AKAP9: variants seen among roughly 807,000 people sequenced by gnomAD.
AKAP9 encodes the protein A-kinase anchoring protein 9.
Under a neutral mutation model 488.5 loss-of-function variants are expected in AKAP9, and 311 were observed. The ratio of observed to expected loss-of-function variants is 0.64; its 90% CI spans 0.58 to 0.70. The LOEUF (loss-of-function observed/expected upper bound fraction) is 0.70. Ranked by LOEUF, AKAP9 falls within the 30% of genes least tolerant of loss-of-function variation. The probability of loss-of-function intolerance (pLI) is 0.00; values close to 1 mark genes in which losing one functional copy is unlikely to be tolerated. For synonymous variants in AKAP9, 1,462 were observed against 1,483.5 expected, an observed-to-expected ratio of 0.99 and a Z score of 0.33; for missense variants, 4,215 against 4,374.5, an observed-to-expected ratio of 0.96 and a Z score of 1.03.
chr7:92,097,186 G>A lies in AKAP9; in HGVS notation c.10227G>A (p.Gln3409=). ...GACAGAAAAAAATGCATGAGCTCCA[G>A]TCCAAAGTGGAAGATCTTCAGCGCC... The part of the protein sequence containing the change: ...TEGQKKMHEL[Q]SKVEDLQRQL... The change falls in exon 41 of 50, where the codon CAG becomes CAA. Residue 3409 remains glutamine, a synonymous_variant. Transcript: ENST00000356239. The A allele has an allele frequency of 6.2e-7, 1 of 1,613,472 alleles. No homozygotes were observed. The highest frequency in any genetic ancestry group is 8.5e-7 in the Non-Finnish European group (1 of 1,179,808).
rs771509517 is a variant in AKAP9 at position 91,961,063 on chromosome 7, CAT to C, written c.49-12647_49-12646del. Among the ~76,000 whole-genome samples, 14 of 152,310 alleles carry C rather than the reference CAT, an allele frequency of 9.2e-5. No homozygotes were observed. In the South Asian group the frequency reaches 2.1e-3, roughly 23 times the overall value. The stretch of plus-strand genomic sequence containing the variant: ...ACTGTTAAGATCATATATTTTGACA[CAT>C]GTCTAGCACAGTGCCTGGCACATAA... On this transcript the variant is annotated intron_variant, in intron 1 of 49. Coordinates refer to ENST00000356239, the MANE Select transcript of AKAP9 (RefSeq NM_005751.5).
rs769398464 is a variant in AKAP9 at position 92,079,754 on chromosome 7, G to A, written c.7621G>A (p.Val2541Ile). ...FETEMLQKKI[V>I]NLQKIVEEKV... is the part of the protein sequence containing the mutation. ...AACAGAAATGCTTCAAAAGAAGATT[G>A]TAAACCTACAGAAAATAGTTGAAGA... The change falls in exon 31 of 50, where the codon GTA (valine) becomes ATA (isoleucine). Residue 2541 changes from valine (V) to isoleucine (I), a missense_variant. Val to Ile is a conservative substitution (Grantham distance 29). Around this residue, in one of 5 missense-constraint regions of AKAP9, gnomAD observed 1,476 missense variants for 1,477.4 expected, o/e 1.00. Transcript: ENST00000356239. 1.2e-6 allele frequency: 2 copies of A among 1,614,086 alleles called. No homozygotes were observed. The highest frequency in any genetic ancestry group is 1.7e-6 in the Non-Finnish European group (2 of 1,179,990).
At chr7:92,050,454 A>G (rs1807787610) in intron 21 of AKAP9, among the ~76,000 whole-genome samples, 1 of 152,106 alleles carries the variant, frequency 6.6e-6, no homozygotes, top group Non-Finnish European at 1.5e-5. Context: ...TACTGCAGGA[A>G]TAGAAATCAA....
At chr7:91,945,787 A>G (rs1301775346) in intron 1 of AKAP9, among the ~76,000 whole-genome samples, 1 of 152,084 alleles carries the variant, frequency 6.6e-6, no homozygotes, top group Non-Finnish European at 1.5e-5. Flanking sequence ...AACTATTTTA[A>G]CTCCATTTTA....
chr7:92,069,971 A>T, intron 26 of AKAP9, 59 bp from the exon 27 acceptor site: 1 of 1,487,290 alleles, frequency 6.7e-7, no homozygotes, highest in Non-Finnish European at 9.3e-7. Flanking sequence ...AACTCAACCT[A>T]TACTAACTAG....
intron 37 of AKAP9, among the ~76,000 whole-genome samples, chr7:92,087,868 T>C (rs1814860351): frequency 6.6e-6 from 1 of 150,882 alleles, no homozygotes; most frequent in Non-Finnish European, 1.5e-5. Flanking sequence ...CATGAGACCA[T>C]ACTGATATAA....
In AKAP9 at chr7:92,107,406, T is replaced by C. The variant is rs1432249466; in HGVS notation, c.11530T>C (p.Leu3844=). Residue 3844 remains leucine, a synonymous_variant, in exon 48 of 50, where the codon TTA becomes CTA. Coordinates refer to ENST00000356239, the MANE Select transcript of AKAP9 (RefSeq NM_005751.5). The part of the protein sequence containing the change: ...RSDLDYIRSP[L]PFQNRYPGTP... ...AGATCTGGACTATATTAGGTCCCCT[T>C]TACCATTTCAGAATAGGTAAGAATA... 6.2e-7 allele frequency: 1 copy of C among 1,613,660 alleles called. No individual in the cohort carries two copies. Among genetic ancestry groups the C allele is most frequent in the Non-Finnish European group, 8.5e-7 (1 of 1,179,862 alleles).
intron 15 of AKAP9, among the ~76,000 whole-genome samples, chr7:92,030,488 A>G (rs1227837692): frequency 3.3e-5 from 5 of 152,122 alleles, no homozygotes; most frequent in Admixed American, 2.6e-4. Flanking sequence ...TAAAAATACA[A>G]AAAATTAGCT....
Position 92,002,671 on chromosome 7 carries a change from T to C in AKAP9, c.2754T>C (p.Asp918=), listed in dbSNP as rs140934835. 4 of 1,613,336 alleles carry C rather than the reference T, an allele frequency of 2.5e-6. No homozygotes were observed. The highest frequency in any genetic ancestry group is 3.4e-6 in the Non-Finnish European group (4 of 1,179,670). Residue 918 remains aspartate (D), a synonymous_variant, in exon 8 of 50, where the codon GAT becomes GAC. Coordinates refer to ENST00000356239, the MANE Select transcript of AKAP9 (RefSeq NM_005751.5). ...TTVKMKSSVF[D]EDKTFVAETL... ...TGAAAATGAAAAGTTCTGTCTTTGA[T>C]GAAGACAAAACTTTTGTAGCAGAAA...
At position 92,001,939 on chromosome 7, in the gene AKAP9, G is replaced by A; in HGVS notation, c.2022G>A (p.Met674Ile). The change falls in exon 8 of 50, where the codon ATG becomes ATA. Residue 674 changes from methionine to isoleucine, a missense_variant. By Grantham distance (10) the Met-to-Ile change is conservative (BLOSUM62 1). Transcript: ENST00000356239. ...KQQIDGLQNEMSQKIETMQFE... is the reference protein window; with the variant it reads ...KQQIDGLQNEISQKIETMQFE... ...AGATAGATGGTTTACAGAATGAAAT[G>A]AGTCAAAAGATAGAAACCATGCAGT... is the stretch of plus-strand genomic sequence containing the variant. 1 of 1,612,946 alleles carries A rather than the reference G, an allele frequency of 6.2e-7. No homozygotes were observed. Among genetic ancestry groups the A allele is most frequent in the East Asian group, 2.2e-5 (1 of 44,804 alleles).
At chr7:92,107,100 C>A (rs561472534) in intron 47 of AKAP9, among the ~76,000 whole-genome samples, 193 bp from the exon 48 acceptor site, 202 of 152,204 alleles carry the variant, frequency 1.3e-3, no homozygotes, top group African/African-American at 4.4e-3. Flanking sequence ...CAAAAGTAAA[C>A]AAAATAACAT....
At position 92,001,616 on chromosome 7, in the gene AKAP9, A is replaced by T. The variant is rs751277793; in HGVS notation, c.1699A>T (p.Thr567Ser). 2 of 1,613,750 alleles carry T rather than the reference A, an allele frequency of 1.2e-6. No homozygotes were observed. Among genetic ancestry groups the T allele is most frequent in the Non-Finnish European group, 1.7e-6 (2 of 1,179,756 alleles). ...TAATGAAGCACATAAGTCCCTTAGTACAGTGGAAGATTTGAAAGCTGAGAT... is the reference window on the plus strand; with the variant it reads ...TAATGAAGCACATAAGTCCCTTAGTTCAGTGGAAGATTTGAAAGCTGAGAT... ...KLNEAHKSLS[T>S]VEDLKAEIVS... The change falls in exon 8 of 50, where the codon ACA (threonine) becomes TCA (serine). Residue 567 changes from threonine to serine, a missense_variant. Physicochemically the swap from Thr to Ser is moderately conservative, Grantham distance 58 (BLOSUM62 1). Transcript: ENST00000356239.
chr7:92,055,378 C>T (rs913893987), intron 22 of AKAP9, among the ~76,000 whole-genome samples: 4 of 151,994 alleles, frequency 2.6e-5, no homozygotes, highest in African/African-American at 4.8e-5. Context: ...GTCTAGGCTC[C>T]GTCAGGGTAA....
At position 91,992,934 on chromosome 7, in the gene AKAP9, A is replaced by G. The variant is rs745652672; in HGVS notation, c.455A>G (p.Asp152Gly). The G allele has an allele frequency of 6.2e-7, 1 of 1,614,124 alleles. No individual in the cohort carries two copies. Among genetic ancestry groups the G allele is most frequent in the Non-Finnish European group, 8.5e-7 (1 of 1,179,994 alleles). Residue 152 changes from aspartate to glycine, a missense_variant, in exon 5 of 50, where the codon GAC becomes GGC. Coordinates refer to ENST00000356239, the MANE Select transcript of AKAP9 (RefSeq NM_005751.5). ...TCTTATTCTGAACAAGGAGCACAAGACAGTCCGACTCATCTAGAGATGATG... is the reference window on the plus strand; with the variant it reads ...TCTTATTCTGAACAAGGAGCACAAGGCAGTCCGACTCATCTAGAGATGATG... ...DDSYSEQGAQ[D>G]SPTHLEMMES... is the part of the protein sequence containing the mutation.
At position 92,084,688 on chromosome 7, in the gene AKAP9, G is replaced by A. The variant is rs1455659840; in HGVS notation, c.8695G>A (p.Glu2899Lys). 2.5e-6 allele frequency: 4 copies of A among 1,610,574 alleles called. No individual in the cohort carries two copies. Among genetic ancestry groups the A allele is most frequent in the Non-Finnish European group, 3.4e-6 (4 of 1,177,236 alleles). ...ACATTCTGATGCTTACCAGACTAGA[G>A]AAATATGCTCCAGTGGTAAGTTATA... ...LAHSDAYQTR[E>K]ICSSDSGSDW... is the part of the protein sequence containing the mutation. Residue 2899 changes from glutamate (E) to lysine (K), a missense_variant, in exon 34 of 50, where the codon GAA (glutamate) becomes AAA (lysine). Physicochemically the swap from Glu to Lys is moderately conservative, Grantham distance 56. Around this residue, in one of 5 missense-constraint regions of AKAP9, gnomAD observed 1,476 missense variants for 1,477.4 expected, o/e 1.00. Transcript: ENST00000356239.
chr7:92,040,637 G>C, intron 17 of AKAP9, 37 bp from the exon 18 acceptor site: 1 of 1,389,860 alleles, frequency 7.2e-7, no homozygotes, highest in Non-Finnish European at 9.9e-7. Flanking sequence ...AATGTGTTAT[G>C]GTTGAATTGT....
rs778598444 is a variant in AKAP9, at chr7:92,083,273, A to G, written c.8264A>G (p.Glu2755Gly). ...TTGTCCATTTTAGAAAAAGAAGATG[A>G]GACTGAGGTACAAGAAAGCAAAAAG... ...EKLSILEKED[E>G]TEVQESKKAC... Residue 2755 changes from glutamate to glycine, a missense_variant, in exon 33 of 50, where the codon GAG becomes GGG. This residue lies in a region of AKAP9 where 1,476 missense variants were observed against 1,477.4 expected (regional missense o/e 1.00). Transcript: ENST00000356239. 12 of 1,614,158 alleles carry G rather than the reference A, an allele frequency of 7.4e-6. No homozygotes were observed. The South Asian group carries it at 1.2e-4, about 16-fold the overall frequency.
chr7:92,029,836 C>T (rs17164315), intron 14 of AKAP9, 59 bp from the exon 15 acceptor site: 1 of 1,385,384 alleles, frequency 7.2e-7, no homozygotes, highest in Non-Finnish European at 1.0e-6. Context: ...GTAGATTTTG[C>T]ATGAACACTA....
At chr7:92,031,688 A>G (rs1016233817) in intron 16 of AKAP9, 84 bp downstream of exon 16, 5 of 1,071,524 alleles carry the variant, frequency 4.7e-6, no homozygotes, top group African/African-American at 1.6e-5. Flanking sequence ...TATCGATGGT[A>G]TGTACTTTAT....
Sources: allele counts gnomAD v4.1 joint callset (sites outside exome capture counted in the v4.1 genomes callset), GRCh38; gene constraint gnomAD v4.1.1; regional missense constraint gnomAD v4.1.1; transcripts MANE v1.5; gene names NCBI Gene and HGNC (gene_info 2026-07-23, HGNC 2026-07-21).